The following SH3BP5 variants were observed in gnomAD, a reference collection of about 807,000 sequenced individuals.
The protein encoded by SH3BP5 is SH3 domain binding protein 5.
SH3BP5 carries 22 observed loss-of-function variants against 43.3 expected under a neutral mutation model. That is an observed-to-expected ratio of 0.51 (90% confidence interval 0.36 to 0.73). SH3BP5 has a LOEUF of 0.73. Ranked by LOEUF, SH3BP5 falls within the 30% of genes least tolerant of loss-of-function variation. The pLI is 0.00. For synonymous variants in SH3BP5, 255 were observed against 225.8 expected, an observed-to-expected ratio of 1.13 and a Z score of -1.16; for missense variants, 529 against 586.9, an observed-to-expected ratio of 0.90 and a Z score of 1.02.
intron 3 of SH3BP5, among the ~76,000 whole-genome samples, chr3:15,274,759 C>T (rs537804317): frequency 1.3e-5 from 2 of 152,192 alleles, no homozygotes; most frequent in South Asian, 2.1e-4. Context: ...TTGGCCAAGC[C>T]GGTCTCAAAC....
chr3:15,257,214 A>G (rs969333484), intron 7 of SH3BP5, 101 bp from the exon 8 acceptor site: 2 of 1,226,246 alleles, frequency 1.6e-6, no homozygotes, highest in East Asian at 2.3e-5. Context: ...TGGGGGACTA[A>G]AGAGTCTCTA....
At chr3:15,266,617 G>A (rs1338956858) in intron 4 of SH3BP5, among the ~76,000 whole-genome samples, 1 of 152,216 alleles carries the variant, frequency 6.6e-6, no homozygotes, top group Non-Finnish European at 1.5e-5. Context: ...CCCAGCTGGA[G>A]AGCAGCAGGG....
intron 3 of SH3BP5, among the ~76,000 whole-genome samples, chr3:15,277,813 C>G (rs1051990998): frequency 1.4e-4 from 14 of 99,068 alleles, no homozygotes; most frequent in Admixed American, 9.0e-5. Context: ...TATGCATACA[C>G]CCCCCCAGCA....
chr3:15,280,799 T>C (rs1372458086), intron 3 of SH3BP5, among the ~76,000 whole-genome samples: 1 of 152,180 alleles, frequency 6.6e-6, no homozygotes, highest in African/African-American at 2.4e-5. Flanking sequence ...CTCTTCCATC[T>C]CTGCCTTTGT....
intron 4 of SH3BP5, 74 bp downstream of exon 4, chr3:15,269,637 CTG>C: frequency 7.0e-7 from 1 of 1,433,398 alleles, no homozygotes; most frequent in South Asian, 1.4e-5. Context: ...GGAGTCGAGT[CTG>C]TTACCTCCGC....
intron 2 of SH3BP5, among the ~76,000 whole-genome samples, chr3:15,311,218 A>G (rs13326080): frequency 0.44 from 67,195 of 152,034 alleles, 15,404 homozygotes; most frequent in African/African-American, 0.56. Context: ...TCTGAGACAC[A>G]CAACAACCCT....
intron 5 of SH3BP5, 137 bp downstream of exon 5, chr3:15,262,022 G>A: frequency 1.1e-6 from 1 of 907,238 alleles, no homozygotes; most frequent in Admixed American, 2.4e-5. Flanking sequence ...GCCTGAGCAG[G>A]GGGGCTCTGG....
intron 2 of SH3BP5, among the ~76,000 whole-genome samples, chr3:15,304,763 CA>C (rs1697851178): frequency 7.1e-6 from 1 of 141,428 alleles, no homozygotes. Flanking sequence ...TGTGGTGAGC[CA>C]AGATCATGCC....
intron 7 of SH3BP5, chr3:15,257,982 A>C (rs913246576): frequency 6.6e-6 from 1 of 152,238 alleles, no homozygotes; most frequent in Non-Finnish European, 1.5e-5. Flanking sequence ...ACCTTGGTCA[A>C]GTTACTTTAC....
At chr3:15,259,699 G>A in intron 6 of SH3BP5, 62 bp downstream of exon 6, 1 of 1,499,892 alleles carries the variant, frequency 6.7e-7, no homozygotes, top group Non-Finnish European at 9.3e-7. Context: ...TGCTACCCCA[G>A]AAAAGTGAAG....
chr3:15,320,222 T>TTA (rs148904336), intron 2 of SH3BP5, among the ~76,000 whole-genome samples: 7,495 of 152,140 alleles, frequency 0.049, 221 homozygotes, highest in African/African-American at 0.082. Context: ...TGGGCTGCAG[T>TTA]TATAATAAAC....
intron 1 of SH3BP5, among the ~76,000 whole-genome samples, chr3:15,338,051 T>A (rs1698723224): frequency 6.6e-6 from 1 of 151,830 alleles, no homozygotes. Flanking sequence ...TTTTTTTTAA[T>A]GCTTTGTGAG....
chr3:15,294,704 C>T lies in SH3BP5; in HGVS notation c.330+9399G>A, dbSNP rs150437118. Among the ~76,000 whole-genome samples, 79 of 152,158 alleles carry T rather than the reference C, an allele frequency of 5.2e-4. No homozygotes were observed. The East Asian group carries it at 0.013, about 25-fold the overall frequency. On this transcript the variant is annotated intron_variant, in intron 3 of 8. Transcript: ENST00000383791. ...TGTGTGGCACCTAATACATCATTAG[C>T]GCTCAAAAAATGGCAAAAAATGGAG...
chr3:15,293,420 A>T (rs1265379207), intron 3 of SH3BP5, among the ~76,000 whole-genome samples: 1 of 152,230 alleles, frequency 6.6e-6, no homozygotes, highest in Admixed American at 6.5e-5. Context: ...ACAAAGCCAC[A>T]CTGAAGTCCT....
chr3:15,333,010 G>A (rs1354081885), upstream of SH3BP5: 8 of 809,202 alleles, frequency 9.9e-6, no homozygotes, highest in Non-Finnish European at 1.2e-5. Context: ...CGGAGGTTCC[G>A]TGCACTGATG....
At chr3:15,301,509 T>C (rs1697751845) in intron 3 of SH3BP5, among the ~76,000 whole-genome samples, 1 of 152,086 alleles carries the variant, frequency 6.6e-6, no homozygotes, top group African/African-American at 2.4e-5. Context: ...ACAGGTCATA[T>C]GGGGAGAAGC....
At chr3:15,316,031 C>T (rs983730978) in intron 2 of SH3BP5, among the ~76,000 whole-genome samples, 1 of 152,054 alleles carries the variant, frequency 6.6e-6, no homozygotes, top group African/African-American at 2.4e-5. Flanking sequence ...CATCAATTGT[C>T]CCACTAAATT....
chr3:15,300,173 T>C (rs1172631883), intron 3 of SH3BP5, among the ~76,000 whole-genome samples: 2 of 152,164 alleles, frequency 1.3e-5, no homozygotes, highest in Non-Finnish European at 2.9e-5. Flanking sequence ...ATACATCAAA[T>C]AGTAAGAGAA....
upstream of SH3BP5, chr3:15,333,316 T>C: frequency 1.0e-6 from 1 of 974,580 alleles, no homozygotes; most frequent in Non-Finnish European, 1.2e-6. Flanking sequence ...GCCACTGTGA[T>C]GTCAGGGGAA....
Sources: allele counts gnomAD v4.1 joint callset (sites outside exome capture counted in the v4.1 genomes callset), GRCh38; gene constraint gnomAD v4.1.1; transcripts MANE v1.5; gene names NCBI Gene and HGNC (gene_info 2026-07-23, HGNC 2026-07-21).